CRPPA: variants seen among roughly 807,000 people sequenced by gnomAD.
CRPPA encodes the protein CDP-L-ribitol pyrophosphorylase A.
A neutral mutation model predicts 52.0 loss-of-function variants in CRPPA; 43 were observed. That is an observed-to-expected ratio of 0.83 (90% confidence interval 0.65 to 1.07). CRPPA has a LOEUF of 1.07. Ranked by LOEUF, CRPPA falls within the 50% of genes least tolerant of loss-of-function variation. CRPPA has a pLI of 0.00. For synonymous variants in CRPPA, 250 were observed against 203.5 expected (o/e 1.23, Z -1.94); for missense variants, 629 against 551.7 (o/e 1.14, Z -1.40).
chr7:16,327,712 T>C (rs116177516), intron 3 of CRPPA, among the ~76,000 whole-genome samples: 4,200 of 151,886 alleles, frequency 0.028, 221 homozygotes, highest in African/African-American at 0.097. Flanking sequence ...ATTCAATTTA[T>C]TAAAAATGTT....
chr7:16,379,776 T>C (rs545674433), intron 2 of CRPPA, among the ~76,000 whole-genome samples: 1 of 152,366 alleles, frequency 6.6e-6, no homozygotes, highest in African/African-American at 2.4e-5. Flanking sequence ...TCACTCATGA[T>C]TTGGCTCTCT....
At chr7:16,281,545 A>G (rs898612860) in intron 5 of CRPPA, among the ~76,000 whole-genome samples, 2 of 152,170 alleles carry the variant, frequency 1.3e-5, no homozygotes, top group Non-Finnish European at 2.9e-5. Context: ...CATGGAAAAA[A>G]AAGTTAGCCT....
intron 9 of CRPPA, among the ~76,000 whole-genome samples, chr7:16,202,481 A>G (rs1781882100): frequency 6.6e-6 from 1 of 152,206 alleles, no homozygotes; most frequent in African/African-American, 2.4e-5. Context: ...GGCCTACACT[A>G]GACCAGGCAC....
chr7:16,274,325 A>G (rs1784158842), intron 6 of CRPPA, among the ~76,000 whole-genome samples: 1 of 152,146 alleles, frequency 6.6e-6, no homozygotes, highest in Non-Finnish European at 1.5e-5. Flanking sequence ...GGGATTACGG[A>G]CGTGAGCCAC....
chr7:16,310,669 A>G (rs1320534216), intron 3 of CRPPA, among the ~76,000 whole-genome samples: 1 of 147,998 alleles, frequency 6.8e-6, no homozygotes, highest in African/African-American at 2.6e-5. Flanking sequence ...GAAAAACAGA[A>G]AAAGATAGAC....
At chr7:16,220,976 C>T (rs1475578439) in intron 8 of CRPPA, among the ~76,000 whole-genome samples, 13 of 151,942 alleles carry the variant, frequency 8.6e-5, no homozygotes, top group Admixed American at 1.3e-4. Flanking sequence ...AAAAAGAGCC[C>T]GCATCACCAA....
intron 2 of CRPPA, among the ~76,000 whole-genome samples, chr7:16,399,922 C>T (rs981068654): frequency 1.1e-4 from 17 of 151,940 alleles, no homozygotes; most frequent in East Asian, 5.9e-4. Flanking sequence ...GTGTGACAGG[C>T]GTGTTATGTG....
intron 9 of CRPPA, among the ~76,000 whole-genome samples, chr7:16,148,229 C>T (rs1783011285): frequency 6.6e-6 from 1 of 152,044 alleles, no homozygotes; most frequent in South Asian, 2.1e-4. Flanking sequence ...AAAAGTACAA[C>T]CTCCAATTTC....
intron 2 of CRPPA, among the ~76,000 whole-genome samples, chr7:16,376,702 A>ATGTGGGTTGCTCTAATT (rs1786897944): frequency 6.6e-6 from 1 of 152,178 alleles, no homozygotes; most frequent in Admixed American, 6.5e-5. Context: ...AACCCAAACA[A>ATGTGGGTTGCTCTAATT]TGTGGGTTGC....
At position 16,249,490 on chromosome 7, in the gene CRPPA, A is replaced by T. The variant is rs572020972; in HGVS notation, c.1119+8900T>A. 6.6e-5 allele frequency among the ~76,000 whole-genome samples: 10 copies of T among 152,286 alleles called. No homozygotes were observed. In the East Asian group the frequency reaches 1.9e-3, roughly 29 times the overall value. ...CTCATACAGGAGAGCTCTGGCTGGCATCTGGTGGGTGCCCCTCTGGGACAA... is the reference window on the plus strand; with the variant it reads ...CTCATACAGGAGAGCTCTGGCTGGCTTCTGGTGGGTGCCCCTCTGGGACAA... On this transcript the variant is annotated intron_variant, in intron 8 of 9. Transcript: ENST00000407010.
chr7:16,151,060 C>G (rs1167368205), intron 9 of CRPPA, among the ~76,000 whole-genome samples: 2 of 152,134 alleles, frequency 1.3e-5, no homozygotes, highest in African/African-American at 4.8e-5. Flanking sequence ...GCCTGTTTTG[C>G]AGTCACTAAT....
At chr7:16,406,453 G>A in intron 1 of CRPPA, 116 bp from the exon 2 acceptor site, 4 of 883,290 alleles carry the variant, frequency 4.5e-6, no homozygotes, top group South Asian at 3.6e-5. Flanking sequence ...AAAACTGCAA[G>A]TTAATAAAAC....
At chr7:16,174,030 T>C (rs1781244790) in intron 9 of CRPPA, among the ~76,000 whole-genome samples, 2 of 152,014 alleles carry the variant, frequency 1.3e-5, no homozygotes, top group African/African-American at 4.8e-5. Flanking sequence ...AATGATAACA[T>C]ATATAATAAT....
intron 9 of CRPPA, among the ~76,000 whole-genome samples, chr7:16,181,685 A>G (rs1781415328): frequency 6.6e-6 from 1 of 152,052 alleles, no homozygotes; most frequent in Non-Finnish European, 1.5e-5. Flanking sequence ...CAACTTAAAA[A>G]ACAGCATAAA....
intron 9 of CRPPA, among the ~76,000 whole-genome samples, chr7:16,114,703 G>GA (rs988233092): frequency 1.3e-4 from 19 of 151,356 alleles, no homozygotes; most frequent in African/African-American, 3.4e-4. Context: ...AAGAGGAAAA[G>GA]AAAAAAAATT....
At chr7:16,337,834 T>C (rs977557077) in intron 3 of CRPPA, among the ~76,000 whole-genome samples, 1 of 151,984 alleles carries the variant, frequency 6.6e-6, no homozygotes, top group African/African-American at 2.4e-5. Context: ...CCAATAACAA[T>C]TAAGGACACT....
chr7:16,114,070 A>T (rs1339396188), intron 9 of CRPPA, among the ~76,000 whole-genome samples: 1 of 151,984 alleles, frequency 6.6e-6, no homozygotes, highest in Non-Finnish European at 1.5e-5. Context: ...TAAGATTCAT[A>T]AAAGTGTTGG....
intron 8 of CRPPA, among the ~76,000 whole-genome samples, chr7:16,244,011 A>G (rs1783198307): frequency 2.0e-5 from 3 of 152,214 alleles, no homozygotes; most frequent in African/African-American, 7.2e-5. Flanking sequence ...ATATCACAGC[A>G]TACTATTATA....
At chr7:16,182,537 C>G (rs949127432) in intron 9 of CRPPA, among the ~76,000 whole-genome samples, 11 of 152,072 alleles carry the variant, frequency 7.2e-5, no homozygotes, top group Non-Finnish European at 1.5e-4. Context: ...TTATCCAAAA[C>G]AAAACTCCAG....
Sources: gnomAD v4.1 joint callset for allele counts (sites outside exome capture counted in the v4.1 genomes callset) on GRCh38, gnomAD v4.1.1 for gene constraint, MANE v1.5 for transcripts, NCBI Gene and HGNC (gene_info 2026-07-23, HGNC 2026-07-21) for gene names.